MGAT4A: variants seen among roughly 807,000 people sequenced by gnomAD.
MGAT4A encodes alpha-1,3-mannosyl-glycoprotein 4-beta-N-acetylglucosaminyltransferase A, also known as N-acetylglucosaminyltransferase IVa.
In MGAT4A, 33 loss-of-function variants were observed where a neutral mutation model predicts 74.1. The observed-to-expected ratio is 0.45, with a 90% CI of 0.34 to 0.60. The LOEUF is 0.60. Ranked by LOEUF, MGAT4A falls within the 20% of genes least tolerant of loss-of-function variation. The probability of loss-of-function intolerance (pLI) is 0.02; values close to 1 mark genes in which losing one functional copy is unlikely to be tolerated. For missense variants in MGAT4A, 479 were observed against 628.3 expected (o/e 0.76, Z 2.54); for synonymous variants, 198 against 210.4 (o/e 0.94, Z 0.51).
intron 2 of MGAT4A, among the ~76,000 whole-genome samples, chr2:98,722,978 C>T (rs1166228231): frequency 6.6e-6 from 1 of 152,144 alleles, no homozygotes; most frequent in Non-Finnish European, 1.5e-5. Context: ...CTCACAACAC[C>T]CACCTACAAC....
chr2:98,703,098 C>T (rs937079462), intron 2 of MGAT4A, among the ~76,000 whole-genome samples: 3 of 152,016 alleles, frequency 2.0e-5, no homozygotes, highest in Non-Finnish European at 4.4e-5. Flanking sequence ...ATGAAGACTT[C>T]GAAACAGTTA....
chr2:98,731,128 GC>G lies in MGAT4A; in HGVS notation c.-317del, dbSNP rs1702852934. On this transcript the variant is annotated 5_prime_UTR_variant, in exon 1 of 16. Coordinates refer to ENST00000393487, the MANE Select transcript of MGAT4A (RefSeq NM_012214.3). This position sits in a 1 kb window ranked among gnomAD's most constrained non-coding sequence, Gnocchi z 4.8. ...GCCGCCGCTGCCGCCGCCGCTGCGG[GC>G]CGCCCCGCCCGCCCCGCCGGCTCCG... 4.5e-5 allele frequency: 6 copies of G among 134,782 alleles called. No individual in the cohort carries two copies. Among genetic ancestry groups the G allele is most frequent in the African/African-American group, 1.4e-4 (5 of 35,276 alleles). The allele number at this position is 134,782 out of a possible 1,614,324, so 8.3% of individuals were successfully genotyped here. A position where few individuals can be genotyped will look rare whatever the true frequency, so the allele number is the denominator to read the frequency against.
intron 8 of MGAT4A, among the ~76,000 whole-genome samples, chr2:98,648,860 C>T (rs1442784177): frequency 6.6e-6 from 1 of 151,940 alleles, no homozygotes; most frequent in Non-Finnish European, 1.5e-5. Context: ...GCAATACTCC[C>T]ATCTCTACCA....
chr2:98,686,409 AAC>A (rs1162045337), intron 2 of MGAT4A, among the ~76,000 whole-genome samples: 1 of 152,210 alleles, frequency 6.6e-6, no homozygotes, highest in Non-Finnish European at 1.5e-5. Flanking sequence ...TATAATCATT[AAC>A]AGTGTCATTC....
At position 98,654,084 on chromosome 2, in the gene MGAT4A, G is replaced by A. The variant is rs368334863; in HGVS notation, c.774+1361C>T. Reference sequence around the variant, plus strand: ...ACACATGATCATCTCAATTGGTATGGAAAAGCATTTGACAACATTCAAGAC... The same window carrying A: ...ACACATGATCATCTCAATTGGTATGAAAAAGCATTTGACAACATTCAAGAC... On this transcript the variant is annotated intron_variant, in intron 8 of 15. Transcript: ENST00000393487. Among the ~76,000 whole-genome samples, 589 of 152,126 alleles carry A rather than the reference G, an allele frequency of 3.9e-3. 1 individual carries two copies. Among genetic ancestry groups the A allele is most frequent in the African/African-American group, 0.014 (570 of 41,490 alleles).
chr2:98,653,084 C>T (rs1156885145), intron 8 of MGAT4A, among the ~76,000 whole-genome samples: 1 of 145,908 alleles, frequency 6.9e-6, no homozygotes, highest in Non-Finnish European at 1.5e-5. Flanking sequence ...GAAGAAATCA[C>T]AAGGGATTTA....
At chr2:98,642,210 GAA>G (rs1701421158) in intron 10 of MGAT4A, among the ~76,000 whole-genome samples, 1 of 152,168 alleles carries the variant, frequency 6.6e-6, no homozygotes, top group Admixed American at 6.5e-5. Context: ...AAGAGAGAGA[GAA>G]GACTGGGGAG....
In MGAT4A at chr2:98,625,319, T is replaced by A; in HGVS notation, c.*247A>T. On this transcript the variant is annotated 3_prime_UTR_variant, in exon 16 of 16. Transcript: ENST00000393487. Reference sequence around the variant, plus strand: ...ATGTATTAGTATAATACCAAAATAGTACAAGTCATATTAACAGGCTGTCAT... The same window carrying A: ...ATGTATTAGTATAATACCAAAATAGAACAAGTCATATTAACAGGCTGTCAT... 7.9e-7 allele frequency: 1 copy of A among 1,264,498 alleles called. No individual in the cohort carries two copies. 78.3% of individuals were successfully genotyped at this position (1,264,498 alleles called of 1,614,324 possible).
chr2:98,664,784 A>C (rs1701800503), intron 4 of MGAT4A, among the ~76,000 whole-genome samples: 1 of 151,750 alleles, frequency 6.6e-6, no homozygotes, highest in African/African-American at 2.4e-5. Context: ...GTAACTGACA[A>C]AGTGTTTGAG....
intron 8 of MGAT4A, among the ~76,000 whole-genome samples, chr2:98,650,385 T>A (rs1006305321): frequency 1.3e-5 from 2 of 151,800 alleles, no homozygotes; most frequent in Non-Finnish European, 2.9e-5. Flanking sequence ...GACATACAAA[T>A]TCAAAAAGTT....
At chr2:98,696,591 GAAA>G (rs1702278563) in intron 2 of MGAT4A, among the ~76,000 whole-genome samples, 1 of 152,228 alleles carries the variant, frequency 6.6e-6, no homozygotes, top group Non-Finnish European at 1.5e-5. Flanking sequence ...CTAGAAAGGG[GAAA>G]TAAGTACCCA....
intron 2 of MGAT4A, among the ~76,000 whole-genome samples, chr2:98,718,738 T>C (rs1702623254): frequency 1.3e-5 from 2 of 152,206 alleles, no homozygotes; most frequent in South Asian, 4.1e-4. Flanking sequence ...GCTCTCTTAC[T>C]CTACCCAACC....
At chr2:98,663,337 A>G (rs1701779923) in intron 4 of MGAT4A, 158 bp from the exon 5 acceptor site, 18 of 1,529,312 alleles carry the variant, frequency 1.2e-5, no homozygotes, top group Non-Finnish European at 1.6e-5. Context: ...ATACAAGGGC[A>G]TACCTGTAAT....
chr2:98,664,200 C>CAAAAAAAAAAAAAAAAAAAAAA (rs57981145), intron 4 of MGAT4A, among the ~76,000 whole-genome samples: 2 of 51,444 alleles, frequency 3.9e-5, no homozygotes, highest in Non-Finnish European at 7.2e-5. Flanking sequence ...GATTCCATCT[C>CAAAAAAAAAAAAAAAAAAAAAA]AAAAAAAAAA....
At chr2:98,714,586 T>C (rs1195126505) in intron 2 of MGAT4A, among the ~76,000 whole-genome samples, 1 of 152,096 alleles carries the variant, frequency 6.6e-6, no homozygotes, top group Non-Finnish European at 1.5e-5. Flanking sequence ...ACTGGAAAGA[T>C]GATGCCACGG....
chr2:98,718,987 G>A (rs765325864), intron 2 of MGAT4A, among the ~76,000 whole-genome samples: 8 of 152,140 alleles, frequency 5.3e-5, no homozygotes, highest in Non-Finnish European at 1.0e-4. Context: ...ATCCTGCCTG[G>A]TACCATAAAA....
chr2:98,629,529 G>A (rs1701196632), intron 14 of MGAT4A, among the ~76,000 whole-genome samples: 1 of 152,134 alleles, frequency 6.6e-6, no homozygotes, highest in South Asian at 2.1e-4. Flanking sequence ...GTCACCTGAT[G>A]AGCTCATTTC....
In MGAT4A at chr2:98,619,461, T is replaced by A. The variant is rs985574440; in HGVS notation, c.*6105A>T. ...GGATGCTTCCAGAAACATCCCCTAA[T>A]GCAGACAACCTTTCCAAAGTGTTCT... On this transcript the variant is annotated 3_prime_UTR_variant, in exon 16 of 16. Transcript: ENST00000393487. 3 of 152,196 alleles carry A rather than the reference T, an allele frequency of 2.0e-5. No homozygotes were observed. Among genetic ancestry groups the A allele is most frequent in the African/African-American group, 4.8e-5 (2 of 41,442 alleles). 9.4% of individuals were successfully genotyped at this position (152,196 alleles called of 1,614,324 possible).
intron 6 of MGAT4A, among the ~76,000 whole-genome samples, chr2:98,657,888 T>C (rs1464149300): frequency 6.6e-6 from 1 of 152,220 alleles, no homozygotes; most frequent in Admixed American, 6.5e-5. Context: ...CAGGAAGATT[T>C]TGCCTGGTAA....
Sources: gnomAD v4.1 joint callset for allele counts (sites outside exome capture counted in the v4.1 genomes callset) on GRCh38, gnomAD v4.1.1 for gene constraint, Gnocchi (gnomAD v3.1) non-coding constraint, MANE v1.5 for transcripts, NCBI Gene and HGNC (gene_info 2026-07-23, HGNC 2026-07-21) for gene names.